Variants in PPP2R2B observed in about 807,000 individuals in gnomAD.
PPP2R2B encodes the protein serine/threonine-protein phosphatase 2A 55 kDa regulatory subunit B beta isoform.
A neutral mutation model predicts 46.0 loss-of-function variants in PPP2R2B; 5 were observed. The ratio of observed to expected loss-of-function variants is 0.11; its 90% CI spans 0.06 to 0.23. The LOEUF is 0.23. PPP2R2B is among the 10% of genes least tolerant of loss of function. PPP2R2B has a pLI of 1.00. For missense variants in PPP2R2B, 367 were observed against 575.0 expected, an observed-to-expected ratio of 0.64 and a Z score of 3.70; for synonymous variants, 215 against 206.7, an observed-to-expected ratio of 1.04 and a Z score of -0.34.
chr5:146,977,081 C>T (rs930220533), intron 1 of PPP2R2B, among the ~76,000 whole-genome samples: 3 of 151,866 alleles, frequency 2.0e-5, no homozygotes, highest in Non-Finnish European at 4.4e-5. Context: ...TCCTTGAGTG[C>T]CTTCATTCTT....
chr5:146,601,850 C>G (rs1771814179), intron 7 of PPP2R2B, among the ~76,000 whole-genome samples: 1 of 152,154 alleles, frequency 6.6e-6, no homozygotes, highest in Non-Finnish European at 1.5e-5. Context: ...TGTGGATTGT[C>G]TATTTGCACT....
chr5:147,053,329 C>G (rs17105854), intron 1 of PPP2R2B, among the ~76,000 whole-genome samples: 3,423 of 152,114 alleles, frequency 0.023, 140 homozygotes, highest in African/African-American at 0.079. Context: ...TAGGATGGTT[C>G]TATCCCCTAA....
At chr5:146,773,628 C>G (rs1755004208) in intron 2 of PPP2R2B, among the ~76,000 whole-genome samples, 1 of 152,182 alleles carries the variant, frequency 6.6e-6, no homozygotes, top group South Asian at 2.1e-4. Context: ...TGAAGGTAAT[C>G]AAAGTTCATT....
intron 2 of PPP2R2B, among the ~76,000 whole-genome samples, chr5:146,730,498 T>G (rs754475081): frequency 2.6e-5 from 4 of 152,146 alleles, no homozygotes; most frequent in Non-Finnish European, 5.9e-5. Flanking sequence ...ATGGTTTGGC[T>G]GTGTCCCCAC....
intron 1 of PPP2R2B, among the ~76,000 whole-genome samples, chr5:146,915,408 C>A (rs12659576): frequency 3.2e-4 from 48 of 151,532 alleles, no homozygotes; most frequent in Non-Finnish European, 5.4e-4. Context: ...TCATCTTCCC[C>A]TCCTACTCAA....
intron 1 of PPP2R2B, among the ~76,000 whole-genome samples, chr5:147,009,864 TACACACAC>T (rs201299020): frequency 8.1e-5 from 11 of 136,568 alleles, no homozygotes; most frequent in African/African-American, 2.4e-4. Flanking sequence ...CACACACACA[TACACACAC>T]ACACACACAC....
intron 5 of PPP2R2B, among the ~76,000 whole-genome samples, chr5:146,665,886 G>C (rs1776952923): frequency 6.6e-6 from 1 of 152,210 alleles, no homozygotes; most frequent in South Asian, 2.1e-4. Context: ...GTGGCACAGA[G>C]ACATGAAATG....
At chr5:146,857,995 C>T (rs1760777237) in intron 2 of PPP2R2B, among the ~76,000 whole-genome samples, 1 of 152,182 alleles carries the variant, frequency 6.6e-6, no homozygotes, top group South Asian at 2.1e-4. Flanking sequence ...GCCAACTGTA[C>T]TAACATTAAT....
intron 2 of PPP2R2B, among the ~76,000 whole-genome samples, chr5:146,780,162 G>C (rs562870970): frequency 1.3e-4 from 20 of 152,242 alleles, no homozygotes; most frequent in African/African-American, 3.9e-4. Flanking sequence ...TAGAGCTGTG[G>C]TAGAAACAAA....
chr5:147,040,580 C>T (rs1002385235), intron 1 of PPP2R2B: 4 of 298,796 alleles, frequency 1.3e-5, no homozygotes, highest in Admixed American at 8.4e-5. Context: ...CCAAATCCCC[C>T]GCCCTGAGCT....
intron 7 of PPP2R2B, among the ~76,000 whole-genome samples, chr5:146,622,817 ATTATCT>A (rs1326905517): frequency 6.6e-6 from 1 of 152,248 alleles, no homozygotes; most frequent in African/African-American, 2.4e-5. Context: ...ATATTGTGAC[ATTATCT>A]TTAAAGTAGC....
At chr5:147,036,639 A>G (rs1756051314) in intron 1 of PPP2R2B, among the ~76,000 whole-genome samples, 2 of 152,342 alleles carry the variant, frequency 1.3e-5, no homozygotes. Flanking sequence ...CCAATAGGGT[A>G]AAAGCATTCC....
At chr5:146,867,964 A>G (rs1484084542) in intron 2 of PPP2R2B, among the ~76,000 whole-genome samples, 2 of 152,166 alleles carry the variant, frequency 1.3e-5, no homozygotes, top group Non-Finnish European at 2.9e-5. Flanking sequence ...TATAACCCCC[A>G]CCATGGAGTA....
chr5:146,593,528 A>C (rs1287518749), intron 8 of PPP2R2B, among the ~76,000 whole-genome samples: 1 of 152,236 alleles, frequency 6.6e-6, no homozygotes, highest in Non-Finnish European at 1.5e-5. Flanking sequence ...TGGTGATAAA[A>C]TCATAGAACA....
chr5:146,806,078 G>A (rs538057652), intron 2 of PPP2R2B, among the ~76,000 whole-genome samples: 1 of 152,332 alleles, frequency 6.6e-6, no homozygotes, highest in Admixed American at 6.5e-5. Context: ...AAATACATTT[G>A]TGAATTTGGT....
chr5:146,694,481 T>C (rs1353434732), intron 4 of PPP2R2B, among the ~76,000 whole-genome samples: 1 of 152,228 alleles, frequency 6.6e-6, no homozygotes, highest in African/African-American at 2.4e-5. Flanking sequence ...ATATTTTTCT[T>C]ATCATGAATG....
chr5:147,071,813 C>G (rs1195781007), intron 2 of PPP2R2B, among the ~76,000 whole-genome samples: 1 of 152,178 alleles, frequency 6.6e-6, no homozygotes, highest in Non-Finnish European at 1.5e-5. Flanking sequence ...TCTAGCCCCT[C>G]CACTATTGAA....
chr5:146,959,271 T>C (rs538898430), intron 1 of PPP2R2B, among the ~76,000 whole-genome samples: 2 of 152,302 alleles, frequency 1.3e-5, no homozygotes, highest in South Asian at 4.1e-4. Context: ...TTCATTCAAT[T>C]GTTTAATGAC....
At chr5:147,036,548 G>T (rs1051710904) in intron 1 of PPP2R2B, among the ~76,000 whole-genome samples, 1 of 152,278 alleles carries the variant, frequency 6.6e-6, no homozygotes, top group Non-Finnish European at 1.5e-5. Context: ...GGATTGCTGA[G>T]TCAAATGGTA....
Sources: gnomAD v4.1 joint callset for allele counts (sites outside exome capture counted in the v4.1 genomes callset) on GRCh38, gnomAD v4.1.1 for gene constraint, MANE v1.5 for transcripts, NCBI Gene and HGNC (gene_info 2026-07-23, HGNC 2026-07-21) for gene names.